QTMAN: variants seen among roughly 807,000 people sequenced by gnomAD.
QTMAN encodes the protein queuosine-tRNA mannosyltransferase.
the QTMAN span, among the ~76,000 whole-genome samples, chr2:144,056,932 A>C: frequency 6.6e-6 from 1 of 152,234 alleles, no homozygotes; most frequent in African/African-American, 2.4e-5. Flanking sequence ...GCGATAGCAA[A>C]ACTATCTCTC....
At chr2:143,943,932 C>A in the QTMAN span, 1 of 152,214 alleles carries the variant, frequency 6.6e-6, no homozygotes, top group East Asian at 1.9e-4. Flanking sequence ...TTAGGGCAAG[C>A]TGTATTTCAA....
At chr2:144,284,396 T>A in the QTMAN span, among the ~76,000 whole-genome samples, 1 of 152,018 alleles carries the variant, frequency 6.6e-6, no homozygotes, top group Non-Finnish European at 1.5e-5. Context: ...TAATGACATG[T>A]GAGAAATTAT....
the QTMAN span, among the ~76,000 whole-genome samples, chr2:144,027,751 G>A: frequency 6.6e-6 from 1 of 152,164 alleles, no homozygotes; most frequent in South Asian, 2.1e-4. Context: ...CACACACCAT[G>A]GAGGTAATCC....
the QTMAN span, among the ~76,000 whole-genome samples, chr2:144,037,235 G>A: frequency 3.3e-5 from 5 of 152,312 alleles, no homozygotes; most frequent in Admixed American, 6.5e-5. Context: ...GAACAACAAC[G>A]TGAATGAACT....
At chr2:143,994,520 T>C in the QTMAN span, among the ~76,000 whole-genome samples, 1 of 152,058 alleles carries the variant, frequency 6.6e-6, no homozygotes, top group African/African-American at 2.4e-5. Context: ...GAATAAGCAA[T>C]AGGTGTTATA....
At chr2:144,271,083 T>G in the QTMAN span, among the ~76,000 whole-genome samples, 1 of 152,204 alleles carries the variant, frequency 6.6e-6, no homozygotes, top group Non-Finnish European at 1.5e-5. Context: ...CTTATTAGTT[T>G]TTTCCCCCAG....
the QTMAN span, among the ~76,000 whole-genome samples, chr2:143,977,591 G>T: frequency 6.6e-6 from 1 of 152,146 alleles, no homozygotes; most frequent in Non-Finnish European, 1.5e-5. Flanking sequence ...TGTGGCTTCT[G>T]TGAGTGTCAC....
At chr2:144,329,394 C>T in the QTMAN span, among the ~76,000 whole-genome samples, 1 of 151,912 alleles carries the variant, frequency 6.6e-6, no homozygotes, top group Non-Finnish European at 1.5e-5. Context: ...TTTAAAATAT[C>T]ATTTGGGACA....
the QTMAN span, among the ~76,000 whole-genome samples, chr2:144,160,729 C>T: frequency 3.6e-4 from 55 of 152,152 alleles, no homozygotes; most frequent in Middle Eastern, 3.4e-3. Context: ...GTCACATCAA[C>T]GGTTAGAGGG....
At chr2:143,961,766 C>G in the QTMAN span, among the ~76,000 whole-genome samples, 3 of 152,048 alleles carry the variant, frequency 2.0e-5, no homozygotes, top group South Asian at 6.2e-4. Flanking sequence ...ATTCTACTTA[C>G]AGAAGCTGCA....
the QTMAN span, among the ~76,000 whole-genome samples, chr2:144,327,705 A>G: frequency 6.6e-6 from 1 of 152,194 alleles, no homozygotes; most frequent in Non-Finnish European, 1.5e-5. Context: ...ACAGTATCAC[A>G]GGATCTTGGC....
chr2:144,325,234 G>A, the QTMAN span, among the ~76,000 whole-genome samples: 1 of 152,156 alleles, frequency 6.6e-6, no homozygotes, highest in African/African-American at 2.4e-5. Context: ...AGAGGAGTGT[G>A]GCTTTAATTT....
At chr2:144,310,711 G>A in the QTMAN span, among the ~76,000 whole-genome samples, 1 of 152,196 alleles carries the variant, frequency 6.6e-6, no homozygotes, top group African/African-American at 2.4e-5. Context: ...AGAAAAAGAA[G>A]AGTCAGGGAT....
At chr2:144,156,407 G>A in the QTMAN span, among the ~76,000 whole-genome samples, 1 of 152,102 alleles carries the variant, frequency 6.6e-6, no homozygotes, top group Non-Finnish European at 1.5e-5. Context: ...GTTTGAGAGA[G>A]AGTGAAATGT....
chr2:144,118,859 C>T, the QTMAN span, among the ~76,000 whole-genome samples: 1 of 151,976 alleles, frequency 6.6e-6, no homozygotes, highest in African/African-American at 2.4e-5. Flanking sequence ...CCAGCCTGGG[C>T]GACAGAGCAA....
the QTMAN span, among the ~76,000 whole-genome samples, chr2:144,278,931 T>C: frequency 1.3e-5 from 2 of 152,196 alleles, no homozygotes; most frequent in South Asian, 4.1e-4. Context: ...CATTATTTCA[T>C]TTAATCCTTT....
At chr2:144,201,465 C>A in the QTMAN span, among the ~76,000 whole-genome samples, 2 of 152,188 alleles carry the variant, frequency 1.3e-5, no homozygotes, top group African/African-American at 4.8e-5. Flanking sequence ...CAACCCTGTG[C>A]ATACTCTGGA....
At chr2:144,206,000 A>G in the QTMAN span, among the ~76,000 whole-genome samples, 1 of 152,252 alleles carries the variant, frequency 6.6e-6, no homozygotes, top group African/African-American at 2.4e-5. Context: ...CAGCTCTAAC[A>G]TGAATCATGA....
At chr2:144,195,281 C>T in the QTMAN span, among the ~76,000 whole-genome samples, 1 of 152,060 alleles carries the variant, frequency 6.6e-6, no homozygotes, top group Non-Finnish European at 1.5e-5. Context: ...AAAAAAGAAA[C>T]TCCTGTTCAT....
Sources: allele counts gnomAD v4.1 joint callset (sites outside exome capture counted in the v4.1 genomes callset), GRCh38; gene constraint gnomAD v4.1.1; transcripts MANE v1.5; gene names NCBI Gene and HGNC (gene_info 2026-07-23, HGNC 2026-07-21).